The following RNF216 variants were observed in gnomAD, a reference collection of about 807,000 sequenced individuals.
RNF216 encodes ring finger protein 216.
RNF216 carries 72 observed loss-of-function variants against 110.8 expected under a neutral mutation model. The ratio of observed to expected loss-of-function variants is 0.65; its 90% CI spans 0.54 to 0.79. The LOEUF is 0.79. Ranked by LOEUF, RNF216 falls within the 30% of genes least tolerant of loss-of-function variation. The pLI is 0.00. For synonymous variants in RNF216, 495 were observed against 407.5 expected, an observed-to-expected ratio of 1.21 and a Z score of -2.59; for missense variants, 1,342 against 1,141.2, an observed-to-expected ratio of 1.18 and a Z score of -2.54.
chr7:5,670,714 C>T (rs1321528459), intron 13 of RNF216, among the ~76,000 whole-genome samples: 2 of 152,096 alleles, frequency 1.3e-5, no homozygotes, highest in East Asian at 1.9e-4. Context: ...AACTGGGTCT[C>T]GTAACACAGT....
chr7:5,730,834 T>A lies in RNF216; in HGVS notation c.1122-17A>T, dbSNP rs1242375500. On this transcript the variant is annotated splice_polypyrimidine_tract_variant and intron_variant, in intron 5 of 16. Coordinates refer to ENST00000389902, the MANE Select transcript of RNF216 (RefSeq NM_207111.4). ...TTACAAAGTCTGCAGAAACAAATGATGTTACTTTCATACTGCTTCCAAATC... is the reference window on the plus strand; with the variant it reads ...TTACAAAGTCTGCAGAAACAAATGAAGTTACTTTCATACTGCTTCCAAATC... 2.5e-6 allele frequency: 4 copies of A among 1,573,838 alleles called. No individual in the cohort carries two copies. The highest frequency in any genetic ancestry group is 3.5e-6 in the Non-Finnish European group (4 of 1,156,940).
intron 15 of RNF216, among the ~76,000 whole-genome samples, chr7:5,636,885 A>G (rs1323639849): frequency 6.6e-6 from 1 of 152,228 alleles, no homozygotes; most frequent in Non-Finnish European, 1.5e-5. Flanking sequence ...ACAAGGAAAA[A>G]GCACATGAGA....
intron 5 of RNF216, among the ~76,000 whole-genome samples, chr7:5,732,813 T>C (rs2128645429): frequency 6.6e-6 from 1 of 152,344 alleles, no homozygotes; most frequent in Non-Finnish European, 1.5e-5. Context: ...TTTGAGCTGA[T>C]CTGACATGCT....
At chr7:5,777,758 T>C (rs1796863228) in intron 1 of RNF216, 1 of 152,214 alleles carries the variant, frequency 6.6e-6, no homozygotes, top group South Asian at 2.1e-4. Flanking sequence ...AAACAATTAG[T>C]CTAGAGTTTA....
At chr7:5,670,623 C>T (rs115367522) in intron 13 of RNF216, among the ~76,000 whole-genome samples, 136 of 152,296 alleles carry the variant, frequency 8.9e-4, no homozygotes, top group African/African-American at 3.2e-3. Flanking sequence ...GCTTAATCTC[C>T]ACCCCTACTG....
chr7:5,715,911 T>G (rs1219854876), intron 10 of RNF216, among the ~76,000 whole-genome samples: 2 of 152,098 alleles, frequency 1.3e-5, no homozygotes, highest in Non-Finnish European at 2.9e-5. Flanking sequence ...CCAGCTAATT[T>G]TTTGTATTTT....
At chr7:5,717,725 C>T (rs940420365) in intron 9 of RNF216, among the ~76,000 whole-genome samples, 2 of 152,152 alleles carry the variant, frequency 1.3e-5, no homozygotes, top group African/African-American at 2.4e-5. Flanking sequence ...AGAGTGACTG[C>T]CAGGATGCAT....
intron 5 of RNF216, 82 bp from the exon 6 acceptor site, chr7:5,730,899 T>C: frequency 3.2e-6 from 5 of 1,564,554 alleles, no homozygotes; most frequent in East Asian, 2.3e-5. Flanking sequence ...GGTTGAAGAA[T>C]ATAGTCCTTA....
At position 5,741,758 on chromosome 7, in the gene RNF216, C is replaced by G. The variant is rs780346814; in HGVS notation, c.259G>C (p.Asp87His). 1 of 1,614,068 alleles carries G rather than the reference C, an allele frequency of 6.2e-7. No homozygotes were observed. Among genetic ancestry groups the G allele is most frequent in the African/African-American group, 1.3e-5 (1 of 74,930 alleles). The change falls in exon 4 of 17, where the codon GAT becomes CAT. Residue 87 changes from aspartate to histidine, a missense_variant. Coordinates refer to ENST00000389902, the MANE Select transcript of RNF216 (RefSeq NM_207111.4). ...CTTTCTTCTCCCAACCTTTTCAGAT[C>G]TTGCCACTGGGCAGCTGGTTTGATG... Reference protein sequence around the residue: ...NLIKPAAQWQDLKRLGEERPK... With the variant: ...NLIKPAAQWQHLKRLGEERPK...
intron 10 of RNF216, among the ~76,000 whole-genome samples, 156 bp downstream of exon 10, chr7:5,716,560 A>C (rs1289056898): frequency 6.6e-6 from 1 of 152,046 alleles, no homozygotes; most frequent in Non-Finnish European, 1.5e-5. Flanking sequence ...TGACTATACT[A>C]GATCACGTAT....
At chr7:5,744,589 T>C (rs1202563175) in intron 3 of RNF216, among the ~76,000 whole-genome samples, 1 of 152,214 alleles carries the variant, frequency 6.6e-6, no homozygotes, top group Non-Finnish European at 1.5e-5. Context: ...TTTAATTCTA[T>C]AGAATATATT....
chr7:5,632,243 A>T (rs1787118670), intron 15 of RNF216, among the ~76,000 whole-genome samples: 1 of 152,186 alleles, frequency 6.6e-6, no homozygotes, highest in Non-Finnish European at 1.5e-5. Flanking sequence ...GCTGCCACAG[A>T]TCCATGACAG....
intron 15 of RNF216, among the ~76,000 whole-genome samples, chr7:5,632,910 C>T (rs1374673630): frequency 6.6e-6 from 1 of 152,158 alleles, no homozygotes; most frequent in Non-Finnish European, 1.5e-5. Flanking sequence ...ACCCCAAATG[C>T]AGTGTCAAGG....
chr7:5,690,100 G>A (rs546083705), intron 13 of RNF216, among the ~76,000 whole-genome samples: 27 of 152,118 alleles, frequency 1.8e-4, no homozygotes, highest in Admixed American at 7.8e-4. Context: ...AGGCTTAGGC[G>A]GGCGGATCAC....
At chr7:5,779,958 T>A (rs1796991454) in intron 1 of RNF216, 1 of 151,748 alleles carries the variant, frequency 6.6e-6, no homozygotes, top group African/African-American at 2.4e-5. Flanking sequence ...CCCACCTACA[T>A]CCCATTCAGT....
At chr7:5,758,666 C>G (rs953538185) in intron 2 of RNF216, among the ~76,000 whole-genome samples, 5 of 152,144 alleles carry the variant, frequency 3.3e-5, no homozygotes, top group Non-Finnish European at 7.3e-5. Flanking sequence ...TGTGGGACCT[C>G]TTGCGTCTTT....
At chr7:5,664,153 G>GT (rs1715591397) in intron 13 of RNF216, among the ~76,000 whole-genome samples, 1 of 152,012 alleles carries the variant, frequency 6.6e-6, no homozygotes, top group Non-Finnish European at 1.5e-5. Flanking sequence ...GCAGAGAGTT[G>GT]TTTTTTTGTA....
At chr7:5,638,325 T>G (rs1365598598) in intron 15 of RNF216, among the ~76,000 whole-genome samples, 1 of 152,210 alleles carries the variant, frequency 6.6e-6, no homozygotes, top group Non-Finnish European at 1.5e-5. Context: ...TAAATGGTGT[T>G]TCTAAATTTG....
chr7:5,722,716 T>A (rs1409645117), intron 8 of RNF216, among the ~76,000 whole-genome samples: 1 of 151,748 alleles, frequency 6.6e-6, no homozygotes, highest in Admixed American at 6.6e-5. Context: ...ATTCAAACCT[T>A]TTCTTCAGAA....
Sources: allele counts gnomAD v4.1 joint callset (sites outside exome capture counted in the v4.1 genomes callset), GRCh38; gene constraint gnomAD v4.1.1; transcripts MANE v1.5; gene names NCBI Gene and HGNC (gene_info 2026-07-23, HGNC 2026-07-21).